SNF8: variants seen among roughly 807,000 people sequenced by gnomAD.
SNF8 encodes the protein vacuolar-sorting protein SNF8.
In SNF8, 19 loss-of-function variants were observed where a neutral mutation model predicts 36.8. That is an observed-to-expected ratio of 0.52 (90% CI 0.36 to 0.76). The LOEUF is 0.76. Ranked by LOEUF, SNF8 falls within the 30% of genes least tolerant of loss-of-function variation. SNF8 has a pLI of 0.00. For missense variants in SNF8, 268 were observed against 322.9 expected (o/e 0.83, Z 1.30); for synonymous variants, 127 against 127.4 (o/e 1.00, Z 0.02).
intron 3 of SNF8, 23 bp downstream of exon 3, chr17:48,940,901 G>C (rs941263450): frequency 6.2e-6 from 10 of 1,609,564 alleles, no homozygotes; most frequent in Non-Finnish European, 8.5e-6. Flanking sequence ...AAGAACGCTG[G>C]ACCCCTACAG....
At chr17:48,936,934 C>G (rs967786409) in intron 4 of SNF8, 86 bp downstream of exon 4, 5 of 1,011,264 alleles carry the variant, frequency 4.9e-6, no homozygotes, top group African/African-American at 1.6e-5. Flanking sequence ...GGCCTGTAGA[C>G]TGCAGGATGG....
At chr17:48,936,912 C>G in intron 4 of SNF8, 108 bp downstream of exon 4, 1 of 817,672 alleles carries the variant, frequency 1.2e-6, no homozygotes, top group Admixed American at 2.0e-5. Context: ...AGATGTCTCT[C>G]AAGTCCTTAG....
At chr17:48,936,270 G>C (rs1567786586) in intron 4 of SNF8, 28 bp from the exon 5 acceptor site, 5 of 1,562,208 alleles carry the variant, frequency 3.2e-6, no homozygotes, top group Non-Finnish European at 4.4e-6. Flanking sequence ...ACAGAAATCA[G>C]AAAAAGAGAT....
chr17:48,944,790 C>G lies in SNF8; in HGVS notation c.-56G>C, dbSNP rs1313950403. 13 of 1,514,058 alleles carry G rather than the reference C, an allele frequency of 8.6e-6. No individual in the cohort carries two copies. Among genetic ancestry groups the G allele is most frequent in the Non-Finnish European group, 7.0e-6 (8 of 1,141,638 alleles). 93.8% of individuals were successfully genotyped at this position (1,514,058 alleles called of 1,614,324 possible). ...GCCGGGACCCCGGGTCTCCACGTCC[C>G]GGACTCCGCCGCCGGCTCCCCAAGG... On this transcript the variant is annotated 5_prime_UTR_variant, in exon 1 of 8. Coordinates refer to ENST00000502492, the MANE Select transcript of SNF8 (RefSeq NM_007241.4).
intron 2 of SNF8, among the ~76,000 whole-genome samples, chr17:48,943,192 G>A (rs1244376088): frequency 3.3e-5 from 5 of 151,818 alleles, no homozygotes; most frequent in African/African-American, 4.8e-5. Context: ...GAATATGGCC[G>A]GGCGCGGTGG....
At chr17:48,935,231 C>T (rs926602995) in intron 5 of SNF8, among the ~76,000 whole-genome samples, 5 of 152,004 alleles carry the variant, frequency 3.3e-5, no homozygotes, top group East Asian at 1.9e-4. Flanking sequence ...ATTAGCCAGG[C>T]GGCCAGGCGC....
intron 3 of SNF8, 21 bp downstream of exon 3, chr17:48,940,903 C>T: frequency 1.2e-6 from 2 of 1,610,120 alleles, no homozygotes; most frequent in African/African-American, 2.7e-5. Flanking sequence ...GAACGCTGGA[C>T]CCCTACAGAC....
At chr17:48,941,654 G>A (rs948287608) in intron 2 of SNF8, among the ~76,000 whole-genome samples, 6 of 151,886 alleles carry the variant, frequency 4.0e-5, no homozygotes, top group African/African-American at 1.4e-4. Context: ...GATTAGCTGG[G>A]GCAACATAGC....
chr17:48,931,182 T>TA (rs1360427960), intron 7 of SNF8, among the ~76,000 whole-genome samples: 5 of 152,350 alleles, frequency 3.3e-5, no homozygotes, highest in Middle Eastern at 6.8e-3. Flanking sequence ...CCGGAGTTCT[T>TA]ACATTGCTCC....
In SNF8 at chr17:48,929,779, G is replaced by T. The variant is rs1489427769; in HGVS notation, c.*696C>A. The T allele has an allele frequency of 2.6e-5, 4 of 152,168 alleles. No homozygotes were observed. Among genetic ancestry groups the T allele is most frequent in the African/African-American group, 9.7e-5 (4 of 41,444 alleles). The allele number at this position is 152,168 out of a possible 1,614,324, so 9.4% of individuals were successfully genotyped here. The stretch of plus-strand genomic sequence containing the variant: ...TGCCTACTTGGTGAAATTTAAGTGA[G>T]CTGTATGTAAAATGGCACAGGGTAG... On this transcript the variant is annotated 3_prime_UTR_variant, in exon 8 of 8. Transcript: ENST00000502492.
At position 48,936,230 on chromosome 17, in the gene SNF8, A is replaced by G. The variant is rs1260628499; in HGVS notation, c.362T>C (p.Leu121Ser). The G allele has an allele frequency of 6.2e-7, 1 of 1,613,832 alleles. No homozygotes were observed. Among genetic ancestry groups the G allele is most frequent in the African/African-American group, 1.3e-5 (1 of 74,936 alleles). ...CAACACCTGTTGATGTAGTTCCTCC[A>G]AAGTTATCAGACCTGTTTGGAGACA... ...LKHRNGGLIT[L>S]EELHQQVLKG... is the part of the protein sequence containing the mutation. The change falls in exon 5 of 8, where the codon TTG becomes TCG. Residue 121 changes from leucine to serine, a missense_variant. Coordinates refer to ENST00000502492, the MANE Select transcript of SNF8 (RefSeq NM_007241.4).
intron 1 of SNF8, chr17:48,944,237 G>A (rs545943214): frequency 3.1e-5 from 14 of 456,712 alleles, no homozygotes; most frequent in African/African-American, 2.0e-4. Flanking sequence ...TGGAGGTGGA[G>A]GTTGCAGTGA....
At position 48,933,097 on chromosome 17, in the gene SNF8, A is replaced by G. The variant is rs1194196567; in HGVS notation, c.564+108T>C. On this transcript the variant is annotated intron_variant, in intron 6 of 7. Coordinates refer to ENST00000502492, the MANE Select transcript of SNF8 (RefSeq NM_007241.4). ...GGCCTGAGTAGTTCATCCACTGGAT[A>G]GTCTCAGCAAAAGACCTGCATAATG... 8.3e-6 allele frequency: 10 copies of G among 1,201,272 alleles called. No homozygotes were observed. In the Admixed American group the frequency reaches 1.2e-4, roughly 15 times the overall value. The allele number at this position is 1,201,272 out of a possible 1,614,324, so 74.4% of individuals were successfully genotyped here. A position where few individuals can be genotyped will look rare whatever the true frequency, so the allele number is the denominator to read the frequency against.
intron 5 of SNF8, among the ~76,000 whole-genome samples, chr17:48,935,514 A>C (rs79462330): frequency 1.3e-5 from 1 of 76,508 alleles, no homozygotes; most frequent in Non-Finnish European, 2.3e-5. Context: ...CTCTGTCTCA[A>C]AAAAAAAAAA....
Position 48,929,780 on chromosome 17 carries a change from C to T in SNF8, c.*695G>A, listed in dbSNP as rs979518815. On this transcript the variant is annotated 3_prime_UTR_variant, in exon 8 of 8. Transcript: ENST00000502492. ...GCCTACTTGGTGAAATTTAAGTGAG[C>T]TGTATGTAAAATGGCACAGGGTAGG... The T allele has an allele frequency of 6.6e-6, 1 of 152,184 alleles. No individual in the cohort carries two copies. The highest frequency in any genetic ancestry group is 1.5e-5 in the Non-Finnish European group (1 of 68,042). The allele number at this position is 152,184 out of a possible 1,614,324, so 9.4% of individuals were successfully genotyped here. A position where few individuals can be genotyped will look rare whatever the true frequency, so the allele number is the denominator to read the frequency against.
At chr17:48,938,496 C>CAAA (rs11339083) in intron 3 of SNF8, among the ~76,000 whole-genome samples, 21 of 113,962 alleles carry the variant, frequency 1.8e-4, no homozygotes, top group African/African-American at 6.8e-4. Flanking sequence ...AACTCCATCT[C>CAAA]AAAAAAAAAA....
chr17:48,934,042 T>C (rs1353921779), intron 5 of SNF8, among the ~76,000 whole-genome samples: 2 of 152,216 alleles, frequency 1.3e-5, no homozygotes, highest in Admixed American at 1.3e-4. Context: ...AACCCAATAC[T>C]GCCAAGTTTT....
chr17:48,944,633 C>A (rs2041077572), intron 1 of SNF8, 48 bp downstream of exon 1: 7 of 1,594,218 alleles, frequency 4.4e-6, no homozygotes, highest in Non-Finnish European at 2.6e-6. Flanking sequence ...ACAATTCAGT[C>A]TCGCACGGGT....
chr17:48,930,481 G>T lies in SNF8; in HGVS notation c.771C>A (p.Leu257=). Reference sequence around the variant, plus strand: ...TGTGCCCTTCCACATGCAGTCAGGGGAGGGCTTCTCTGGCCTCCTCAGCTG... The same window carrying T: ...TGTGCCCTTCCACATGCAGTCAGGGTAGGGCTTCTCTGGCCTCCTCAGCTG... ...EITAEEAREA[L]P is the part of the protein sequence containing the mutation. The change falls in exon 8 of 8, where the codon CTC becomes CTA. Residue 257 remains leucine, a synonymous_variant. Transcript: ENST00000502492. 6.2e-7 allele frequency: 1 copy of T among 1,604,608 alleles called. No individual in the cohort carries two copies. Among genetic ancestry groups the T allele is most frequent in the Non-Finnish European group, 8.5e-7 (1 of 1,175,510 alleles).
Sources: allele counts gnomAD v4.1 joint callset (sites outside exome capture counted in the v4.1 genomes callset), GRCh38; gene constraint gnomAD v4.1.1; transcripts MANE v1.5; gene names NCBI Gene and HGNC (gene_info 2026-07-23, HGNC 2026-07-21).